The following NARS2 variants were observed in gnomAD, a reference collection of about 807,000 sequenced individuals.
NARS2 encodes asparaginyl-tRNA synthetase 2, mitochondrial, also known as asparaginyl-tRNA synthetase.
A neutral mutation model predicts 62.9 loss-of-function variants in NARS2; 60 were observed. That is an observed-to-expected ratio of 0.95 (90% CI 0.77 to 1.18). The LOEUF (loss-of-function observed/expected upper bound fraction) is 1.18. NARS2 is among the 50% of genes most tolerant of loss of function. NARS2 has a pLI of 0.00. For missense variants in NARS2, 619 were observed against 576.4 expected, an observed-to-expected ratio of 1.07 and a Z score of -0.76; for synonymous variants, 196 against 200.0, an observed-to-expected ratio of 0.98 and a Z score of 0.17.
rs1859970060 is a variant in NARS2 at position 78,494,463 on chromosome 11, C to CTTT, written c.690-1271_690-1269dup. Among the ~76,000 whole-genome samples the CTTT allele has an allele frequency of 5.0e-5, 4 of 80,254 alleles. No homozygotes were observed. The South Asian group carries it at 1.3e-3, about 26-fold the overall frequency. 52.6% of individuals were successfully genotyped at this position (80,254 alleles called of 152,430 possible). A position where few individuals can be genotyped will look rare whatever the true frequency, so the allele number is the denominator to read the frequency against. On this transcript the variant is annotated intron_variant, in intron 6 of 13. Coordinates refer to ENST00000281038, the MANE Select transcript of NARS2 (RefSeq NM_024678.6). ...GATTTTGTATATATATAAGTTTTTT[C>CTTT]TTTTTCTTTTTTTTTTTTTTTTTAG...
intron 4 of NARS2, 133 bp from the exon 5 acceptor site, chr11:78,559,752 A>G: frequency 1.7e-6 from 1 of 591,816 alleles, no homozygotes; most frequent in Non-Finnish European, 3.0e-6. Flanking sequence ...CCTAAATATT[A>G]AGACTACTGA....
intron 9 of NARS2, among the ~76,000 whole-genome samples, chr11:78,470,473 CT>C (rs141982894): frequency 6.6e-6 from 1 of 151,952 alleles, no homozygotes; most frequent in African/African-American, 2.4e-5. Flanking sequence ...CACAATCTTC[CT>C]TTTTTACAGA....
At chr11:78,531,874 G>A (rs1017750398) in intron 5 of NARS2, among the ~76,000 whole-genome samples, 1 of 152,106 alleles carries the variant, frequency 6.6e-6, no homozygotes, top group Non-Finnish European at 1.5e-5. Context: ...TTTGTGTAGA[G>A]GGGAAAATGG....
chr11:78,561,737 A>G lies in NARS2; in HGVS notation c.514-2118T>C, dbSNP rs572588073. Among the ~76,000 whole-genome samples, 53 of 152,360 alleles carry G rather than the reference A, an allele frequency of 3.5e-4. No individual in the cohort carries two copies. The South Asian group carries it at 9.9e-3, about 29-fold the overall frequency. ...TAGCCACAGGCAGGCCATAGACAACATAAAGTGACAGCAAGAACAGATTTT... is the reference window on the plus strand; with the variant it reads ...TAGCCACAGGCAGGCCATAGACAACGTAAAGTGACAGCAAGAACAGATTTT... On this transcript the variant is annotated intron_variant, in intron 4 of 13. Transcript: ENST00000281038.
intron 4 of NARS2, among the ~76,000 whole-genome samples, chr11:78,565,709 C>G (rs1040844449): frequency 6.6e-6 from 1 of 152,156 alleles, no homozygotes; most frequent in African/African-American, 2.4e-5. Context: ...TTAGAGAAAA[C>G]AGTGCCCAGT....
rs150193199 is a variant in NARS2, at chr11:78,440,255, G to C, written c.1289+836C>G. Among the ~76,000 whole-genome samples the C allele has an allele frequency of 2.4e-3, 359 of 152,070 alleles. 4 individuals carry two copies. The East Asian group carries it at 0.048, about 20-fold the overall frequency. On this transcript the variant is annotated intron_variant, in intron 13 of 13. Transcript: ENST00000281038. Reference sequence around the variant, plus strand: ...GTATTTGTATTTTTAGTAGAGACAGGGTTTCACCATGTTGGCCAGGCTCAT... The same window carrying C: ...GTATTTGTATTTTTAGTAGAGACAGCGTTTCACCATGTTGGCCAGGCTCAT...
At chr11:78,444,730 A>AC (rs1555008629) in intron 11 of NARS2, among the ~76,000 whole-genome samples, 5,209 of 149,928 alleles carry the variant, frequency 0.035, 338 homozygotes, top group African/African-American at 0.12. Flanking sequence ...AACAAAACAA[A>AC]AAAAAAAAAA....
At chr11:78,564,365 A>G (rs1241090839) in intron 4 of NARS2, among the ~76,000 whole-genome samples, 1 of 151,140 alleles carries the variant, frequency 6.6e-6, no homozygotes, top group Non-Finnish European at 1.5e-5. Context: ...CTGGCTAATT[A>G]TTTTTACTAG....
chr11:78,568,892 T>C (rs1856827829), intron 2 of NARS2, 140 bp from the exon 3 acceptor site: 3 of 604,536 alleles, frequency 5.0e-6, no homozygotes, highest in East Asian at 2.8e-5. Context: ...TCAGAATCTA[T>C]GGATAATCTG....
chr11:78,480,304 C>T (rs1296323683), intron 7 of NARS2, among the ~76,000 whole-genome samples: 1 of 151,790 alleles, frequency 6.6e-6, no homozygotes, highest in Non-Finnish European at 1.5e-5. Context: ...CTTGCTCTCT[C>T]ACGCAGGCAG....
At chr11:78,463,404 G>A (rs1475928115) in intron 11 of NARS2, among the ~76,000 whole-genome samples, 1 of 152,172 alleles carries the variant, frequency 6.6e-6, no homozygotes. Context: ...AAAAAAGGCA[G>A]GCCAGGTGCA....
intron 6 of NARS2, among the ~76,000 whole-genome samples, chr11:78,503,724 C>A (rs999161649): frequency 1.3e-5 from 2 of 152,074 alleles, no homozygotes; most frequent in Non-Finnish European, 2.9e-5. Flanking sequence ...CATAAAAGCA[C>A]AAAGGAACCA....
At chr11:78,481,814 G>T (rs1276736471) in intron 7 of NARS2, among the ~76,000 whole-genome samples, 2 of 152,148 alleles carry the variant, frequency 1.3e-5, no homozygotes, top group African/African-American at 4.8e-5. Context: ...AAAGTAATTT[G>T]TAAAAGGAAG....
intron 4 of NARS2, among the ~76,000 whole-genome samples, chr11:78,564,951 A>G (rs574554413): frequency 6.6e-6 from 1 of 152,342 alleles, no homozygotes; most frequent in African/African-American, 2.4e-5. Flanking sequence ...GTGAATTTGG[A>G]TACAGCCCAA....
intron 4 of NARS2, among the ~76,000 whole-genome samples, chr11:78,564,917 C>A (rs1590872344): frequency 6.6e-6 from 1 of 152,188 alleles, no homozygotes; most frequent in African/African-American, 2.4e-5. Flanking sequence ...GGGGCAAGAA[C>A]CTTCTTGGTG....
chr11:78,516,380 G>A (rs1360358985), intron 6 of NARS2, among the ~76,000 whole-genome samples: 1 of 152,176 alleles, frequency 6.6e-6, no homozygotes, highest in Non-Finnish European at 1.5e-5. Context: ...CATTAAACAT[G>A]AATGACATTT....
chr11:78,528,248 G>A (rs945205282), intron 6 of NARS2, among the ~76,000 whole-genome samples: 3 of 151,988 alleles, frequency 2.0e-5, no homozygotes, highest in Non-Finnish European at 4.4e-5. Context: ...AAATAAATGG[G>A]AATTACCCAC....
chr11:78,486,521 A>G (rs1386270278), intron 7 of NARS2, among the ~76,000 whole-genome samples: 2 of 152,254 alleles, frequency 1.3e-5, no homozygotes, highest in Admixed American at 1.3e-4. Flanking sequence ...CAAATAGCAC[A>G]GCAGAGGCTT....
At chr11:78,534,137 T>C (rs1181161563) in intron 5 of NARS2, among the ~76,000 whole-genome samples, 2 of 152,230 alleles carry the variant, frequency 1.3e-5, no homozygotes, top group Non-Finnish European at 1.5e-5. Context: ...CGTTTTTGTG[T>C]GGATATAAGT....
Sources: allele counts gnomAD v4.1 joint callset (sites outside exome capture counted in the v4.1 genomes callset), GRCh38; gene constraint gnomAD v4.1.1; transcripts MANE v1.5; gene names NCBI Gene and HGNC (gene_info 2026-07-23, HGNC 2026-07-21).